Variants in MSTO1 observed in about 807,000 individuals in gnomAD.
MSTO1 encodes the protein misato mitochondrial distribution and morphology regulator 1, also known as protein misato homolog 1.
A neutral mutation model predicts 55.7 loss-of-function variants in MSTO1; 24 were observed. The observed-to-expected ratio is 0.43, with a 90% CI of 0.31 to 0.61. MSTO1 has a LOEUF of 0.61. Among genes scored for constraint, MSTO1 ranks in the 20% least tolerant of loss-of-function variants. The pLI is 0.09. For missense variants in MSTO1, 363 were observed against 625.7 expected (o/e 0.58, Z 4.48); for synonymous variants, 162 against 252.8 (o/e 0.64, Z 3.41).
chr1:155,598,768 A>G, the MSTO1 span: 1 of 829,720 alleles, frequency 1.2e-6, no homozygotes, highest in Non-Finnish European at 2.0e-6. Context: ...TGACAGTACA[A>G]GTGACCTTTC....
chr1:155,595,176 G>GT, the MSTO1 span, among the ~76,000 whole-genome samples: 909 of 102,510 alleles, frequency 8.9e-3, 9 homozygotes, highest in East Asian at 0.022. Context: ...CAGGTTTGTT[G>GT]TTTTTTTTTT....
Position 155,612,281 on chromosome 1 carries a change from A to G in MSTO1, c.778A>G (p.Thr260Ala), listed in dbSNP as rs1674308810. ...TGAATATTCAGGGCGGGGAATAATA[A>G]CCTGGGGCCTGCTACCTGGTCCCTA... ...QDEYSGRGII[T>A]WGLLPGPYHR... Residue 260 changes from threonine to alanine, a missense_variant, in exon 8 of 14, where the codon ACC becomes GCC. This residue lies in a region of MSTO1 where 231 missense variants were observed against 286.9 expected (regional missense o/e 0.81). Transcript: ENST00000245564. 1.9e-6 allele frequency: 3 copies of G among 1,590,928 alleles called. No individual in the cohort carries two copies. In the South Asian group the frequency reaches 3.4e-5, roughly 18 times the overall value.
chr1:155,613,019 C>G (rs762258624), intron 10 of MSTO1, 30 bp from the exon 11 acceptor site: 5 of 1,613,894 alleles, frequency 3.1e-6, no homozygotes, highest in Non-Finnish European at 4.2e-6. Flanking sequence ...GAGAAAATGT[C>G]CTATAACGTG....
chr1:155,589,378 G>GTT, the MSTO1 span, among the ~76,000 whole-genome samples: 2 of 151,550 alleles, frequency 1.3e-5, no homozygotes, highest in South Asian at 2.1e-4. Context: ...AGAAAGTTTT[G>GTT]GTGTTTTTTT....
chr1:155,591,027 A>G, the MSTO1 span: 1 of 1,613,792 alleles, frequency 6.2e-7, no homozygotes. Context: ...CGGCACGTGC[A>G]GCCTGCAGGT....
At chr1:155,574,992 G>A in the MSTO1 span, among the ~76,000 whole-genome samples, 17 of 149,882 alleles carry the variant, frequency 1.1e-4, no homozygotes, top group East Asian at 3.0e-3. Flanking sequence ...TCAACCTCCC[G>A]ATTAGCTGGG....
At chr1:155,563,756 A>T in the MSTO1 span, 283 of 359,696 alleles carry the variant, frequency 7.9e-4, 1 homozygote, top group African/African-American at 5.8e-3. Context: ...GCAACTCCAA[A>T]CATGCCTCCA....
the MSTO1 span, among the ~76,000 whole-genome samples, chr1:155,570,211 C>T: frequency 6.6e-6 from 1 of 152,116 alleles, no homozygotes; most frequent in Non-Finnish European, 1.5e-5. Flanking sequence ...CTTTTGAAAC[C>T]TATCAGATAC....
At chr1:155,603,905 TAGA>T in the MSTO1 span, among the ~76,000 whole-genome samples, 3 of 152,068 alleles carry the variant, frequency 2.0e-5, no homozygotes, top group African/African-American at 7.2e-5. Context: ...TTTTTTTTGG[TAGA>T]AGTTCTTTTA....
chr1:155,594,200 G>A, the MSTO1 span, among the ~76,000 whole-genome samples: 2 of 151,536 alleles, frequency 1.3e-5, no homozygotes, highest in African/African-American at 4.8e-5. Context: ...CTAAGAGTTC[G>A]ACACCAGCCT....
the MSTO1 span, among the ~76,000 whole-genome samples, chr1:155,578,859 C>T: frequency 1.5e-5 from 2 of 134,876 alleles, no homozygotes; most frequent in East Asian, 2.4e-4. Context: ...GACGAGGTTT[C>T]GCCATATTGG....
the MSTO1 span, among the ~76,000 whole-genome samples, chr1:155,578,657 C>T: frequency 3.3e-5 from 5 of 149,878 alleles, no homozygotes; most frequent in African/African-American, 4.9e-5. Context: ...ACTACAGGCG[C>T]CCGCCACCGC....
the MSTO1 span, among the ~76,000 whole-genome samples, chr1:155,564,981 C>T: frequency 1.1e-4 from 16 of 151,918 alleles, no homozygotes; most frequent in African/African-American, 3.9e-4. Context: ...ATTAGCCGGG[C>T]GTGGTGGTGG....
intron 11 of MSTO1, 65 bp from the exon 12 acceptor site, chr1:155,613,397 A>G (rs748254576): frequency 2.5e-6 from 4 of 1,606,398 alleles, no homozygotes; most frequent in African/African-American, 2.7e-5. Flanking sequence ...GCCTGAGAAC[A>G]TAAGAATTCT....
chr1:155,599,384 C>G, the MSTO1 span, among the ~76,000 whole-genome samples: 2 of 152,154 alleles, frequency 1.3e-5, no homozygotes, highest in Non-Finnish European at 2.9e-5. Flanking sequence ...GCATAAACTC[C>G]TGCCTTAGAG....
the MSTO1 span, chr1:155,591,026 C>A: frequency 3.7e-6 from 6 of 1,613,750 alleles, no homozygotes; most frequent in Non-Finnish European, 4.2e-6. Flanking sequence ...ACGGCACGTG[C>A]AGCCTGCAGG....
chr1:155,606,211 T>A (rs1458309503), upstream of MSTO1, among the ~76,000 whole-genome samples: 1 of 128,014 alleles, frequency 7.8e-6, no homozygotes, highest in African/African-American at 3.2e-5. Flanking sequence ...TTTTTTTTTT[T>A]TTTTTTTTTT....
At chr1:155,591,467 T>C in the MSTO1 span, among the ~76,000 whole-genome samples, 8 of 152,298 alleles carry the variant, frequency 5.3e-5, no homozygotes, top group Non-Finnish European at 8.8e-5. Context: ...TTAAGTGATA[T>C]CATATATAAA....
upstream of MSTO1, chr1:155,610,001 G>C (rs946910078): frequency 3.7e-5 from 19 of 516,640 alleles, no homozygotes; most frequent in African/African-American, 3.0e-4. Context: ...CCGCTCCAAC[G>C]TGGAGCAGGA....
Sources: allele counts gnomAD v4.1 joint callset (sites outside exome capture counted in the v4.1 genomes callset), GRCh38; gene constraint gnomAD v4.1.1; regional missense constraint gnomAD v4.1.1; transcripts MANE v1.5; gene names NCBI Gene and HGNC (gene_info 2026-07-23, HGNC 2026-07-21).